Variants in FGFR4 observed in about 807,000 individuals in gnomAD.
FGFR4 encodes the protein hydroxyaryl-protein kinase.
A neutral mutation model predicts 89.9 loss-of-function variants in FGFR4; 63 were observed. The observed-to-expected ratio is 0.70, with a 90% CI of 0.57 to 0.86. FGFR4 has a LOEUF of 0.86. FGFR4 is among the 40% of genes least tolerant of loss of function. FGFR4 has a pLI of 0.00. For missense variants in FGFR4, 928 were observed against 1,106.7 expected (o/e 0.84, Z 2.29); for synonymous variants, 486 against 479.4 (o/e 1.01, Z -0.18).
chr5:177,093,441 C>T lies in FGFR4; in HGVS notation c.1287C>T (p.Ser429=), dbSNP rs75935301. 3 of 1,614,008 alleles carry T rather than the reference C, an allele frequency of 1.9e-6. No homozygotes were observed. Among genetic ancestry groups the T allele is most frequent in the East Asian group, 4.5e-5 (2 of 44,896 alleles). The part of the protein sequence containing the change: ...SLESGSSGKS[S]SSLVRGVRLS... ...AGTCAGGCTCTTCCGGCAAGTCAAG[C>T]TCATCCCTGGTACGAGGCGTGCGTC... is the stretch of plus-strand genomic sequence containing the variant. The change falls in exon 10 of 18, where the codon AGC becomes AGT. Residue 429 remains serine, a synonymous_variant. Coordinates refer to ENST00000292408, the MANE Select transcript of FGFR4 (RefSeq NM_213647.3). The surrounding 1 kb of genome is among the most constrained non-coding windows in gnomAD (Gnocchi z 5.8).
chr5:177,090,121 TGTGTGTGTGTATGC>T (rs1562065784), intron 2 of FGFR4: 5 of 647,500 alleles, frequency 7.7e-6, no homozygotes, highest in Non-Finnish European at 1.4e-5. Flanking sequence ...TGTCCGTATG[TGTGTGTGTGTATGC>T]GTGTGTGTGT....
Position 177,097,681 on chromosome 5 carries a change from G to C in FGFR4, c.*5G>C. On this transcript the variant is annotated 3_prime_UTR_variant, in exon 18 of 18. Coordinates refer to ENST00000292408, the MANE Select transcript of FGFR4 (RefSeq NM_213647.3). ...GGGTCTGGGGTGCAGACATGAGCAA[G>C]GCTCAAGGCTGTGCAGGCACATAGG... 6.2e-7 allele frequency: 1 copy of C among 1,613,450 alleles called. No homozygotes were observed. Among genetic ancestry groups the C allele is most frequent in the Non-Finnish European group, 8.5e-7 (1 of 1,179,652 alleles).
chr5:177,090,235 C>T lies in FGFR4; in HGVS notation c.92-155C>T, dbSNP rs755182512. On this transcript the variant is annotated intron_variant, in intron 2 of 17. Transcript: ENST00000292408. ...TGGCATTTGCCCTGGGTGTGGCATCCGCAGCATGTGGCTGTGTGGGTGTCA... is the reference window on the plus strand; with the variant it reads ...TGGCATTTGCCCTGGGTGTGGCATCTGCAGCATGTGGCTGTGTGGGTGTCA... 35 of 1,075,940 alleles carry T rather than the reference C, an allele frequency of 3.3e-5. 1 individual carries two copies. The South Asian group carries it at 4.2e-4, about 13-fold the overall frequency. 66.6% of individuals were successfully genotyped at this position (1,075,940 alleles called of 1,614,324 possible). A position where few individuals can be genotyped will look rare whatever the true frequency, so the allele number is the denominator to read the frequency against.
At chr5:177,096,827 G>T in intron 16 of FGFR4, 86 bp downstream of exon 16, 34 of 1,477,174 alleles carry the variant, frequency 2.3e-5, no homozygotes, top group Non-Finnish European at 3.1e-5. Context: ...GTCCCGGCCA[G>T]AAGGACAACA....
At chr5:177,094,509 C>A (rs1277259437) in intron 11 of FGFR4, among the ~76,000 whole-genome samples, 1 of 151,974 alleles carries the variant, frequency 6.6e-6, no homozygotes, top group African/African-American at 2.4e-5. Context: ...CCCAGACACA[C>A]CCTCAGCCTC....
intron 14 of FGFR4, 50 bp downstream of exon 14, chr5:177,096,229 G>C: frequency 1.9e-6 from 3 of 1,613,134 alleles, no homozygotes; most frequent in African/African-American, 1.3e-5. Context: ...CACTGGGCCC[G>C]GGGTGGCAGG....
rs2149736161 is a variant in FGFR4 at position 177,093,648 on chromosome 5, C to G, written c.1398-6C>G. 6.2e-7 allele frequency: 1 copy of G among 1,614,200 alleles called. No individual in the cohort carries two copies. The highest frequency in any genetic ancestry group is 8.5e-7 in the Non-Finnish European group (1 of 1,180,032). ...AGGTCTGAGGCTGGACTTTCTCCATCTCCAGGCTGGTGCTTGGGAAGCCCC... is the reference window on the plus strand; with the variant it reads ...AGGTCTGAGGCTGGACTTTCTCCATGTCCAGGCTGGTGCTTGGGAAGCCCC... On this transcript the variant is annotated splice_region_variant and splice_polypyrimidine_tract_variant and intron_variant, in intron 10 of 17. Transcript: ENST00000292408. The surrounding 1 kb of genome is among the most constrained non-coding windows in gnomAD (Gnocchi z 5.8).
rs1311315408 is a variant in FGFR4, at chr5:177,089,537, C to T, written c.-53-13C>T. The T allele has an allele frequency of 1.3e-6, 2 of 1,552,446 alleles. No individual in the cohort carries two copies. The highest frequency in any genetic ancestry group is 2.7e-5 in the African/African-American group (2 of 72,828). ...GCACGTGTAGCAGGAGCTCTTTTCC[C>T]TCCCTATTTTAGGAAGGCAGTTGGT... On this transcript the variant is annotated splice_polypyrimidine_tract_variant and intron_variant, in intron 1 of 17. Coordinates refer to ENST00000292408, the MANE Select transcript of FGFR4 (RefSeq NM_213647.3).
Position 177,097,705 on chromosome 5 carries a change from G to A in FGFR4, c.*29G>A. ...AGGCTCAAGGCTGTGCAGGCACATA[G>A]GCTGGTGGCCTTGGGCCTTGGGGCT... On this transcript the variant is annotated 3_prime_UTR_variant, in exon 18 of 18. Coordinates refer to ENST00000292408, the MANE Select transcript of FGFR4 (RefSeq NM_213647.3). 1 of 1,606,790 alleles carries A rather than the reference G, an allele frequency of 6.2e-7. No homozygotes were observed.
At position 177,097,711 on chromosome 5, in the gene FGFR4, T is replaced by G. The variant is rs1210675449; in HGVS notation, c.*35T>G. 1.9e-6 allele frequency: 3 copies of G among 1,603,918 alleles called. No homozygotes were observed. The highest frequency in any genetic ancestry group is 2.2e-5 in the South Asian group (2 of 90,202). On this transcript the variant is annotated 3_prime_UTR_variant, in exon 18 of 18. Transcript: ENST00000292408. Reference sequence around the variant, plus strand: ...AAGGCTGTGCAGGCACATAGGCTGGTGGCCTTGGGCCTTGGGGCTCAGCCA... The same window carrying G: ...AAGGCTGTGCAGGCACATAGGCTGGGGGCCTTGGGCCTTGGGGCTCAGCCA...
In FGFR4 at chr5:177,091,784, T is replaced by C; in HGVS notation, c.703T>C (p.Tyr235His). 6.2e-7 allele frequency: 1 copy of C among 1,614,146 alleles called. No individual in the cohort carries two copies. The highest frequency in any genetic ancestry group is 1.1e-5 in the South Asian group (1 of 91,082). The change falls in exon 6 of 18, where the codon TAT (tyrosine) becomes CAT (histidine). Residue 235 changes from tyrosine (Y) to histidine (H), a missense_variant. Physicochemically the swap from Tyr to His is moderately conservative, Grantham distance 83. Coordinates refer to ENST00000292408, the MANE Select transcript of FGFR4 (RefSeq NM_213647.3). Reference protein sequence around the residue: ...LVENAVGSIRYNYLLDVLERS... With the variant: ...LVENAVGSIRHNYLLDVLERS... Reference sequence around the variant, plus strand: ...AGAGAACGCTGTGGGCAGCATCCGCTATAACTACCTGCTAGATGTGCTGGG... The same window carrying C: ...AGAGAACGCTGTGGGCAGCATCCGCCATAACTACCTGCTAGATGTGCTGGG...
chr5:177,095,519 C>T lies in FGFR4; in HGVS notation c.1631-14C>T. The T allele has an allele frequency of 3.1e-6, 5 of 1,612,024 alleles. No homozygotes were observed. Among genetic ancestry groups the T allele is most frequent in the Non-Finnish European group, 4.2e-6 (5 of 1,178,926 alleles). On this transcript the variant is annotated splice_polypyrimidine_tract_variant and intron_variant, in intron 12 of 17. Transcript: ENST00000292408. This position sits in a 1 kb window ranked among gnomAD's most constrained non-coding sequence, Gnocchi z 5.7. ...TTTGGCAGCCTCTCCACGCTCCCTC[C>T]ACTCCCTCTGCAGGGCCCCTGTACG...
chr5:177,096,448 G>A, intron 15 of FGFR4, 91 bp downstream of exon 15: 1 of 1,555,000 alleles, frequency 6.4e-7, no homozygotes, highest in Non-Finnish European at 8.8e-7. Context: ...GCGCTCGAGG[G>A]CTCCTTCAGA....
rs762855027 is a variant in FGFR4, at chr5:177,096,160, A to G, written c.1925A>G (p.Tyr642Cys). Residue 642 changes from tyrosine (Y) to cysteine (C), a missense_variant, in exon 14 of 18, where the codon TAC (tyrosine) becomes TGC (cysteine). By Grantham distance (194) the Tyr-to-Cys change is radical. This residue lies in a region of FGFR4 where 20 missense variants were observed against 17.3 expected (regional missense o/e 1.16). Transcript: ENST00000292408. Reference sequence around the variant, plus strand: ...GCCCGCGGCGTCCACCACATTGACTACTATAAGAAAACCAGCAACGTGAGG... The same window carrying G: ...GCCCGCGGCGTCCACCACATTGACTGCTATAAGAAAACCAGCAACGTGAGG... Reference protein sequence around the residue: ...GLARGVHHIDYYKKTSNGRLP... With the variant: ...GLARGVHHIDCYKKTSNGRLP... 3 of 1,614,052 alleles carry G rather than the reference A, an allele frequency of 1.9e-6. No homozygotes were observed. The highest frequency in any genetic ancestry group is 1.3e-5 in the African/African-American group (1 of 75,028).
In FGFR4 at chr5:177,090,311, G is replaced by A. The variant is rs1474882746; in HGVS notation, c.92-79G>A. On this transcript the variant is annotated intron_variant, in intron 2 of 17. Transcript: ENST00000292408. Reference sequence around the variant, plus strand: ...GTTGCAAAGTGCTTGTGCCCTGCATGTGCGGTGTGTTCTTTGTACACAGGA... The same window carrying A: ...GTTGCAAAGTGCTTGTGCCCTGCATATGCGGTGTGTTCTTTGTACACAGGA... 30 of 1,591,638 alleles carry A rather than the reference G, an allele frequency of 1.9e-5. No individual in the cohort carries two copies. In the East Asian group the frequency reaches 6.2e-4, roughly 33 times the overall value.
rs764542906 is a variant in FGFR4 at position 177,089,594 on chromosome 5, G to T, written c.-9G>T. 6.2e-7 allele frequency: 1 copy of T among 1,612,736 alleles called. No individual in the cohort carries two copies. The highest frequency in any genetic ancestry group is 1.1e-5 in the South Asian group (1 of 90,918). On this transcript the variant is annotated 5_prime_UTR_variant, in exon 2 of 18. Transcript: ENST00000292408. ...TCCAGCTTGGGTCCCTGAGAGCTGT[G>T]AGAAGGAGATGCGGCTGCTGCTGGC...
Position 177,096,596 on chromosome 5 carries a change from A to G in FGFR4, c.2016-8A>G, listed in dbSNP as rs31776. 1,194,389 of 1,612,768 alleles carry G rather than the reference A, an allele frequency of 0.74. 446,184 individuals carry two copies. The highest frequency in any genetic ancestry group is 0.98 in the East Asian group (43,843 of 44,836). ...CTGAGCCACACTGAGCCCTGGCCCT[A>G]CCTCCAGGTGGTCTTTTGGGATCCT... On this transcript the variant is annotated splice_polypyrimidine_tract_variant and splice_region_variant and intron_variant, in intron 15 of 17. Coordinates refer to ENST00000292408, the MANE Select transcript of FGFR4 (RefSeq NM_213647.3).
intron 15 of FGFR4, 72 bp from the exon 16 acceptor site, chr5:177,096,532 G>A (rs961847551): frequency 1.3e-6 from 2 of 1,585,790 alleles, no homozygotes; most frequent in Admixed American, 1.7e-5. Flanking sequence ...GGTCATGTCT[G>A]TGGGGTCCCC....
intron 15 of FGFR4, 62 bp from the exon 16 acceptor site, chr5:177,096,542 C>T (rs1398234790): frequency 6.3e-7 from 1 of 1,594,224 alleles, no homozygotes; most frequent in Non-Finnish European, 8.6e-7. Flanking sequence ...GTGGGGTCCC[C>T]CGTCCTAGCC....
Sources: gnomAD v4.1 joint callset for allele counts (sites outside exome capture counted in the v4.1 genomes callset) on GRCh38, gnomAD v4.1.1 for gene constraint, gnomAD v4.1.1 regional missense constraint, Gnocchi (gnomAD v3.1) non-coding constraint, MANE v1.5 for transcripts, NCBI Gene and HGNC (gene_info 2026-07-23, HGNC 2026-07-21) for gene names.